EPN3: variants seen among roughly 807,000 people sequenced by gnomAD.
The protein encoded by EPN3 is epsin 3.
Under a neutral mutation model 55.5 loss-of-function variants are expected in EPN3, and 56 were observed. That is an observed-to-expected ratio of 1.01 (90% CI 0.81 to 1.26). The LOEUF (loss-of-function observed/expected upper bound fraction) is 1.26. Among genes scored for constraint, EPN3 ranks in the 50% most tolerant of loss-of-function variants. EPN3 has a pLI of 0.00. For synonymous variants in EPN3, 449 were observed against 375.2 expected (o/e 1.20, Z -2.27); for missense variants, 927 against 853.4 (o/e 1.09, Z -1.07).
chr17:50,536,358 C>A, intron 1 of EPN3, 63 bp from the exon 2 acceptor site: 1 of 1,369,612 alleles, frequency 7.3e-7, no homozygotes, highest in Non-Finnish European at 9.6e-7. Flanking sequence ...TTTAGTTGGT[C>A]AGTGGCTGAG....
chr17:50,535,062 T>C (rs1436965436), intron 1 of EPN3, among the ~76,000 whole-genome samples: 1 of 152,180 alleles, frequency 6.6e-6, no homozygotes. Context: ...TGGGAGGACC[T>C]TGGGCCTGGA....
In EPN3 at chr17:50,542,480, C is replaced by A; in HGVS notation, c.*323C>A. ...GCACAACGTGGGGTGCAAAACTGCC[C>A]CGCTTCCTTTACAGCTCTTCTCAAC... is the stretch of plus-strand genomic sequence containing the variant. On this transcript the variant is annotated 3_prime_UTR_variant, in exon 10 of 10. Transcript: ENST00000268933. 1 of 310,344 alleles carries A rather than the reference C, an allele frequency of 3.2e-6. No individual in the cohort carries two copies. The highest frequency in any genetic ancestry group is 6.3e-5 in the South Asian group (1 of 15,942). The allele number at this position is 310,344 out of a possible 1,614,324, so 19.2% of individuals were successfully genotyped here. A position where few individuals can be genotyped will look rare whatever the true frequency, so the allele number is the denominator to read the frequency against.
At chr17:50,534,718 C>T (rs1381784379) in intron 1 of EPN3, 4 of 919,612 alleles carry the variant, frequency 4.3e-6, no homozygotes, top group Non-Finnish European at 5.2e-6. Context: ...ATTCTCTGGG[C>T]CCCCAACAAA....
At chr17:50,540,399 T>G in intron 6 of EPN3, 65 bp downstream of exon 6, 11 of 1,460,764 alleles carry the variant, frequency 7.5e-6, no homozygotes, top group Non-Finnish European at 1.0e-5. Flanking sequence ...CCCAGCCACT[T>G]GCTGGGCCAA....
Position 50,536,567 on chromosome 17 carries a change from C to A in EPN3, c.11C>A (p.Ser4Tyr). The change falls in exon 2 of 10, where the codon TCC (serine) becomes TAC (tyrosine). Residue 4 changes from serine to tyrosine, a missense_variant. Ser to Tyr is a moderately radical substitution (Grantham distance 144). Transcript: ENST00000268933. ...TCCAAGTCTCCAGCCATGACGACCT[C>A]CGCACTCCGGCGCCAGGTGAAGAAC... MTT[S>Y]ALRRQVKNIV... 1 of 1,613,948 alleles carries A rather than the reference C, an allele frequency of 6.2e-7. No individual in the cohort carries two copies. The highest frequency in any genetic ancestry group is 1.1e-5 in the South Asian group (1 of 91,080).
chr17:50,539,839 T>C (rs1313099766), intron 5 of EPN3, among the ~76,000 whole-genome samples: 1 of 152,196 alleles, frequency 6.6e-6, no homozygotes, highest in African/African-American at 2.4e-5. Flanking sequence ...ATGTTCACTG[T>C]GGCCAGTTTC....
chr17:50,540,354 A>G lies in EPN3; in HGVS notation c.979+20A>G. The G allele has an allele frequency of 1.3e-6, 2 of 1,599,488 alleles. No individual in the cohort carries two copies. Among genetic ancestry groups the G allele is most frequent in the Non-Finnish European group, 8.5e-7 (1 of 1,173,924 alleles). On this transcript the variant is annotated intron_variant, in intron 6 of 9. Transcript: ENST00000268933. The stretch of plus-strand genomic sequence containing the variant: ...TCCCAGGTGGGCATGCAGGGCTGCA[A>G]GAGACTTCCAGGCTGGCCCAAGAGC...
At position 50,542,076 on chromosome 17, in the gene EPN3, A is replaced by C; in HGVS notation, c.1818A>C (p.Ala606=). ...TCTTCCCGCAGGCCGGAGCCTTCGC[A>C]CCGCAGCCGCTGCTGCCCACGCCGA... The part of the protein sequence containing the change: ...VSVFPQAGAF[A]PQPLLPTPSS... Residue 606 remains alanine (A), a synonymous_variant, in exon 10 of 10, where the codon GCA becomes GCC. Coordinates refer to ENST00000268933, the MANE Select transcript of EPN3 (RefSeq NM_017957.3). 1 of 1,580,268 alleles carries C rather than the reference A, an allele frequency of 6.3e-7. No individual in the cohort carries two copies. Among genetic ancestry groups the C allele is most frequent in the Non-Finnish European group, 8.5e-7 (1 of 1,173,064 alleles).
In EPN3 at chr17:50,537,969, C is replaced by A; in HGVS notation, c.563-110C>A. ...GCTTGGCCCACGGGGGCCTCAACGGCCGTTGTTCCCCTCCTCTCAGTTCTC... is the reference window on the plus strand; with the variant it reads ...GCTTGGCCCACGGGGGCCTCAACGGACGTTGTTCCCCTCCTCTCAGTTCTC... On this transcript the variant is annotated intron_variant, in intron 2 of 9. Coordinates refer to ENST00000268933, the MANE Select transcript of EPN3 (RefSeq NM_017957.3). The A allele has an allele frequency of 4.4e-6, 4 of 917,210 alleles. No homozygotes were observed. In the South Asian group the frequency reaches 6.1e-5, roughly 14 times the overall value. The allele number at this position is 917,210 out of a possible 1,614,324, so 56.8% of individuals were successfully genotyped here. A position where few individuals can be genotyped will look rare whatever the true frequency, so the allele number is the denominator to read the frequency against.
chr17:50,536,274 G>T lies in EPN3; in HGVS notation c.-136-147G>T, dbSNP rs2034759155. The T allele has an allele frequency of 7.6e-6, 4 of 529,638 alleles. No homozygotes were observed. In the South Asian group the frequency reaches 1.0e-4, roughly 13 times the overall value. The allele number at this position is 529,638 out of a possible 1,614,324, so 32.8% of individuals were successfully genotyped here. A position where few individuals can be genotyped will look rare whatever the true frequency, so the allele number is the denominator to read the frequency against. The stretch of plus-strand genomic sequence containing the variant: ...GCATGCAAAGCTCCAAGTGCCTGCT[G>T]AATTGTAAGTGAAATAAGAACGTGT... On this transcript the variant is annotated intron_variant, in intron 1 of 9. Transcript: ENST00000268933.
intron 1 of EPN3, among the ~76,000 whole-genome samples, chr17:50,533,600 A>G (rs1041466595): frequency 7.2e-5 from 11 of 152,152 alleles, no homozygotes; most frequent in African/African-American, 2.4e-4. Context: ...CTTGCTGGGG[A>G]TGAGCGATCT....
intron 1 of EPN3, among the ~76,000 whole-genome samples, chr17:50,533,380 T>A (rs2034705252): frequency 6.6e-6 from 1 of 152,122 alleles, no homozygotes; most frequent in African/African-American, 2.4e-5. Context: ...AGCTTAGAGT[T>A]CAAGCTCACC....
Position 50,532,970 on chromosome 17 carries a change from G to A in EPN3, c.-152G>A, listed in dbSNP as rs1416414245. The A allele has an allele frequency of 7.8e-7, 1 of 1,285,354 alleles. No individual in the cohort carries two copies. The highest frequency in any genetic ancestry group is 2.3e-5 in the Admixed American group (1 of 42,964). The allele number at this position is 1,285,354 out of a possible 1,614,324, so 79.6% of individuals were successfully genotyped here. On this transcript the variant is annotated 5_prime_UTR_variant, in exon 1 of 10. Transcript: ENST00000268933. ...TACTCGGGCTGGGGCTGGGGCCGAG[G>A]GAGCCCGCACTGGAGGTAAGCTTCC...
chr17:50,538,718 G>A (rs1012819172), intron 3 of EPN3, 166 bp from the exon 4 acceptor site: 20 of 521,230 alleles, frequency 3.8e-5, no homozygotes, highest in African/African-American at 2.9e-4. Context: ...TCAGATGCAG[G>A]CAGGGAGAAG....
chr17:50,536,775 C>G lies in EPN3; in HGVS notation c.219C>G (p.His73Gln), dbSNP rs201344102. 3 of 1,614,042 alleles carry G rather than the reference C, an allele frequency of 1.9e-6. No individual in the cohort carries two copies. The highest frequency in any genetic ancestry group is 2.5e-6 in the Non-Finnish European group (3 of 1,180,044). Reference sequence around the variant, plus strand: ...ATGACAGCGGCAAGAACTGGCGGCACGTGTACAAGGCTCTAACATTGCTGG... The same window carrying G: ...ATGACAGCGGCAAGAACTGGCGGCAGGTGTACAAGGCTCTAACATTGCTGG... ...RLNDSGKNWR[H>Q]VYKALTLLDY... The change falls in exon 2 of 10, where the codon CAC becomes CAG. Residue 73 changes from histidine (H) to glutamine (Q), a missense_variant. Physicochemically the swap from His to Gln is conservative, Grantham distance 24. Transcript: ENST00000268933.
chr17:50,538,783 G>C, intron 3 of EPN3, 101 bp from the exon 4 acceptor site: 3 of 835,820 alleles, frequency 3.6e-6, no homozygotes, highest in Non-Finnish European at 5.5e-6. Flanking sequence ...CTGAGGGTGG[G>C]CATTAGTGTC....
Position 50,541,570 on chromosome 17 carries a change from CAA to C in EPN3, c.1463_1464del (p.Lys488ArgfsTer23), listed in dbSNP as rs2034849189. On this transcript the variant is annotated frameshift_variant, in exon 9 of 10. Coordinates refer to ENST00000268933, the MANE Select transcript of EPN3 (RefSeq NM_017957.3). LOFTEE classifies it high-confidence loss of function. ...ILGEALTQPS[K>X]EARACRTPES... ...TAGGGGAAGCACTAACCCAGCCAAG[CAA>C]AGAGGCCCGAGCTTGCCGGACTCCC... 2.5e-6 allele frequency: 4 copies of C among 1,614,104 alleles called. No individual in the cohort carries two copies. In the South Asian group the frequency reaches 3.3e-5, roughly 13 times the overall value.
At position 50,542,090 on chromosome 17, in the gene EPN3, T is replaced by G. The variant is rs1283735512; in HGVS notation, c.1832T>G (p.Leu611Arg). 4.5e-6 allele frequency: 7 copies of G among 1,570,944 alleles called. No homozygotes were observed. In the South Asian group the frequency reaches 4.6e-5, roughly 10 times the overall value. ...GGAGCCTTCGCACCGCAGCCGCTGC[T>G]GCCCACGCCGAGCTCAGCCGGGCCG... is the stretch of plus-strand genomic sequence containing the variant. ...QAGAFAPQPL[L>R]PTPSSAGPRP... The change falls in exon 10 of 10, where the codon CTG becomes CGG. Residue 611 changes from leucine to arginine, a missense_variant. Coordinates refer to ENST00000268933, the MANE Select transcript of EPN3 (RefSeq NM_017957.3).
intron 5 of EPN3, 106 bp downstream of exon 5, chr17:50,539,421 T>C: frequency 6.6e-7 from 1 of 1,507,660 alleles, no homozygotes; most frequent in Non-Finnish European, 9.0e-7. Context: ...AGCACTGATG[T>C]GTTTATTCGA....
Sources: allele counts gnomAD v4.1 joint callset (sites outside exome capture counted in the v4.1 genomes callset), GRCh38; gene constraint gnomAD v4.1.1; transcripts MANE v1.5; gene names NCBI Gene and HGNC (gene_info 2026-07-23, HGNC 2026-07-21).